The following ATP11C variants were observed in gnomAD, a reference collection of about 807,000 sequenced individuals.
ATP11C encodes ATPase phospholipid transporting 11C (ATP11C blood group).
A neutral mutation model predicts 97.4 loss-of-function variants in ATP11C; 36 were observed. That is an observed-to-expected ratio of 0.37 (90% CI 0.28 to 0.49). The LOEUF (loss-of-function observed/expected upper bound fraction) is 0.49. Among genes scored for constraint, ATP11C ranks in the 20% least tolerant of loss-of-function variants. The pLI is 0.98. For missense variants in ATP11C, 730 were observed against 824.6 expected, an observed-to-expected ratio of 0.89 and a Z score of 1.40; for synonymous variants, 275 against 290.9, an observed-to-expected ratio of 0.95 and a Z score of 0.56.
chrX:139,736,838 T>C (rs1259111639), intron 28 of ATP11C, among the ~76,000 whole-genome samples: 1 of 111,260 alleles, frequency 9.0e-6, no homozygotes, highest in African/African-American at 3.3e-5. Flanking sequence ...TTGTTTTTGA[T>C]TGGGGCTGAC....
rs1020056930 is a variant in ATP11C, at chrX:139,768,263, G to T, written c.2388C>A (p.Ala796=). Residue 796 remains alanine, a synonymous_variant, in exon 20 of 30, where the codon GCC becomes GCA. Coordinates refer to ENST00000682941, the MANE Select transcript of ATP11C (RefSeq NM_001353812.2). ...LCCRMAPLQK[A]QIVRMVKNLK... is the part of the protein sequence containing the mutation. ...GTTAACTAATATTCACAGTTACCTG[G>T]GCTTTCTGTAATGGTGCCATCCGAC... The T allele has an allele frequency of 9.2e-7, 1 of 1,088,446 alleles. No individual in the cohort carries two copies. 89.7% of individuals were successfully genotyped at this position (1,088,446 alleles called of 1,213,427 possible).
At chrX:139,928,346 T>C (rs907134699) in intron 1 of ATP11C, among the ~76,000 whole-genome samples, 7 of 111,197 alleles carry the variant, frequency 6.3e-5, no homozygotes, top group South Asian at 3.7e-4. Flanking sequence ...GATATATTTC[T>C]AAACACAGTA....
At chrX:139,879,257 G>A (rs1430059261) in intron 1 of ATP11C, among the ~76,000 whole-genome samples, 1 of 110,639 alleles carries the variant, frequency 9.0e-6, no homozygotes, top group Admixed American at 9.6e-5. Context: ...GCCAAGATAT[G>A]GTCACAACCT....
intron 1 of ATP11C, among the ~76,000 whole-genome samples, chrX:139,905,673 T>TA (rs1322621758): frequency 1.8e-5 from 2 of 111,368 alleles, no homozygotes; most frequent in African/African-American, 6.5e-5. Context: ...CTTAAAAAAG[T>TA]GACACAGGAA....
chrX:139,866,033 T>C (rs1025361441), intron 1 of ATP11C, among the ~76,000 whole-genome samples: 1 of 111,042 alleles, frequency 9.0e-6, no homozygotes, highest in Non-Finnish European at 1.9e-5. Flanking sequence ...GCAGTAAAGA[T>C]GACTATTAGT....
At chrX:139,759,004 AG>A (rs779870203) in intron 22 of ATP11C, among the ~76,000 whole-genome samples, 10 of 112,707 alleles carry the variant, frequency 8.9e-5, no homozygotes, top group African/African-American at 3.2e-4. Context: ...CTGCAGCATG[AG>A]TCAGAGCTCC....
At chrX:139,742,879 ATATATATATAT>A (rs2081595941) in intron 26 of ATP11C, among the ~76,000 whole-genome samples, 7 of 7,651 alleles carry the variant, frequency 9.1e-4, no homozygotes, top group East Asian at 8.5e-3. Context: ...AAAAAAAAAT[ATATATATATAT>A]ATATATATAT....
At chrX:139,903,197 G>T in intron 1 of ATP11C, among the ~76,000 whole-genome samples, 1 of 111,617 alleles carries the variant, frequency 9.0e-6, no homozygotes, top group Admixed American at 9.5e-5. Context: ...AAACCAGGGG[G>T]TGGCCTGTGG....
upstream of ATP11C, among the ~76,000 whole-genome samples, chrX:139,934,185 A>C (rs1287912284): frequency 4.5e-5 from 5 of 111,673 alleles, no homozygotes; most frequent in Non-Finnish European, 3.8e-5. Flanking sequence ...CGTGTAGGTA[A>C]GGGCGGCTCG....
chrX:139,782,606 T>C lies in ATP11C; in HGVS notation c.1893A>G (p.Lys631=), dbSNP rs1221064705. Residue 631 remains lysine (K), a synonymous_variant, in exon 18 of 30, where the codon AAA becomes AAG. Coordinates refer to ENST00000682941, the MANE Select transcript of ATP11C (RefSeq NM_001353812.2). ...ALQDREEKME[K]VFDDIETNMN... ...TGTTTGTCTCAATATCATCGAAAACTTTTTCCATTTTTTCTTCTCTGTCTT... is the reference window on the plus strand; with the variant it reads ...TGTTTGTCTCAATATCATCGAAAACCTTTTCCATTTTTTCTTCTCTGTCTT... 1 of 1,205,642 alleles carries C rather than the reference T, an allele frequency of 8.3e-7. No homozygotes were observed. The highest frequency in any genetic ancestry group is 1.1e-6 in the Non-Finnish European group (1 of 891,355).
At chrX:139,787,703 A>T (rs764447912) in intron 14 of ATP11C, among the ~76,000 whole-genome samples, 1 of 112,687 alleles carries the variant, frequency 8.9e-6, no homozygotes, top group Non-Finnish European at 1.9e-5. Context: ...ATAAGTTGAT[A>T]ACAGAGAAAG....
chrX:139,862,292 C>A lies in ATP11C; in HGVS notation c.28-35469G>T, dbSNP rs149668913. Among the ~76,000 whole-genome samples, 293 of 111,011 alleles carry A rather than the reference C, an allele frequency of 2.6e-3. 1 individual carries two copies. Among genetic ancestry groups the A allele is most frequent in the African/African-American group, 8.9e-3 (273 of 30,533 alleles). On this transcript the variant is annotated intron_variant, in intron 1 of 29. Coordinates refer to ENST00000682941, the MANE Select transcript of ATP11C (RefSeq NM_001353812.2). Reference sequence around the variant, plus strand: ...ACCAGTAAATGTGTTTCCCTGAGTTCTGTGAGCTTCTCCGGCAAAGTAATC... The same window carrying A: ...ACCAGTAAATGTGTTTCCCTGAGTTATGTGAGCTTCTCCGGCAAAGTAATC...
intron 1 of ATP11C, among the ~76,000 whole-genome samples, chrX:139,911,602 G>A (rs886294648): frequency 5.4e-5 from 6 of 111,109 alleles, no homozygotes; most frequent in East Asian, 5.6e-4. Flanking sequence ...CTATGATTAC[G>A]TATGTGAGAC....
intron 1 of ATP11C, among the ~76,000 whole-genome samples, chrX:139,913,609 C>G (rs1054554777): frequency 9.0e-6 from 1 of 111,335 alleles, no homozygotes; most frequent in African/African-American, 3.3e-5. Flanking sequence ...CCTGGCTCAT[C>G]CTGGCTCAAA....
At chrX:139,924,274 C>G (rs2085317920) in intron 1 of ATP11C, 1 of 372,640 alleles carries the variant, frequency 2.7e-6, no homozygotes. Flanking sequence ...AAGTGACAAA[C>G]AGTAAGTGCT....
chrX:139,929,684 T>G, intron 1 of ATP11C, among the ~76,000 whole-genome samples: 1 of 112,037 alleles, frequency 8.9e-6, no homozygotes. Context: ...TTCATAGCTC[T>G]ATTTCTAAAA....
rs190358170 is a variant in ATP11C at position 139,728,507 on chromosome X, T to C, written c.*459A>G. 2 of 120,115 alleles carry C rather than the reference T, an allele frequency of 1.7e-5. No individual in the cohort carries two copies. The highest frequency in any genetic ancestry group is 6.4e-5 in the African/African-American group (2 of 31,185). The allele number at this position is 120,115 out of a possible 1,213,427, so 9.9% of individuals were successfully genotyped here. On this transcript the variant is annotated 3_prime_UTR_variant, in exon 30 of 30. Transcript: ENST00000682941. ...AATTAAGATGATCATTTAGGAGGAA[T>C]GAGAAATGTGATCCAAATAGTCTAT... is the stretch of plus-strand genomic sequence containing the variant.
chrX:139,888,901 C>T (rs1205779077), intron 1 of ATP11C, among the ~76,000 whole-genome samples: 1 of 110,181 alleles, frequency 9.1e-6, no homozygotes, highest in Admixed American at 9.7e-5. Flanking sequence ...CTCCGCCTCT[C>T]GGGTTCAAGC....
chrX:139,804,746 T>C, intron 5 of ATP11C, 147 bp from the exon 6 acceptor site: 1 of 416,062 alleles, frequency 2.4e-6, no homozygotes, highest in East Asian at 4.1e-5. Flanking sequence ...TGAAAGGTGA[T>C]GAAAGAATAT....
Sources: gnomAD v4.1 joint callset for allele counts (sites outside exome capture counted in the v4.1 genomes callset) on GRCh38, gnomAD v4.1.1 for gene constraint, MANE v1.5 for transcripts, NCBI Gene and HGNC (gene_info 2026-07-23, HGNC 2026-07-21) for gene names.